SNX24: variants seen among roughly 807,000 people sequenced by gnomAD.
The protein encoded by SNX24 is sorting nexin 24.
Under a neutral mutation model 28.7 loss-of-function variants are expected in SNX24, and 22 were observed. The observed-to-expected ratio is 0.77, with a 90% CI of 0.55 to 1.10. The LOEUF (loss-of-function observed/expected upper bound fraction) is 1.10, where lower values mean the gene tolerates loss of function less well. SNX24 is among the 50% of genes least tolerant of loss of function. SNX24 has a pLI of 0.00. For synonymous variants in SNX24, 69 were observed against 71.5 expected, an observed-to-expected ratio of 0.96 and a Z score of 0.18; for missense variants, 221 against 201.1, an observed-to-expected ratio of 1.10 and a Z score of -0.60.
chr5:122,881,234 A>G (rs201524450), intron 1 of SNX24, among the ~76,000 whole-genome samples: 1 of 151,924 alleles, frequency 6.6e-6, no homozygotes, highest in African/African-American at 2.4e-5. Flanking sequence ...TTTTTAAAAA[A>G]CATTTCACAG....
chr5:122,907,019 A>C (rs992024067), intron 1 of SNX24, among the ~76,000 whole-genome samples: 3 of 152,146 alleles, frequency 2.0e-5, no homozygotes, highest in Non-Finnish European at 2.9e-5. Context: ...TAGACATTGA[A>C]TAACATTGAC....
At chr5:122,958,067 AG>A (rs775565637) in intron 3 of SNX24, among the ~76,000 whole-genome samples, 7 of 152,182 alleles carry the variant, frequency 4.6e-5, no homozygotes, top group Non-Finnish European at 1.0e-4. Flanking sequence ...TATGTTGAAT[AG>A]AAATGGGGAA....
chr5:122,904,510 TA>T (rs1365399351), intron 1 of SNX24, among the ~76,000 whole-genome samples: 1 of 152,162 alleles, frequency 6.6e-6, no homozygotes, highest in Non-Finnish European at 1.5e-5. Context: ...TTCCTTTGTT[TA>T]TATCTGGTCT....
intron 6 of SNX24, among the ~76,000 whole-genome samples, chr5:123,004,486 A>G (rs1243281739): frequency 6.6e-6 from 1 of 152,128 alleles, no homozygotes; most frequent in Non-Finnish European, 1.5e-5. Context: ...AGCTGACCAG[A>G]ATGCTGTCAT....
intron 3 of SNX24, among the ~76,000 whole-genome samples, chr5:122,986,160 A>G (rs963086752): frequency 3.9e-5 from 6 of 152,300 alleles, no homozygotes; most frequent in African/African-American, 1.4e-4. Flanking sequence ...ATAGAGAGGC[A>G]GGGTTTTTTA....
In SNX24 at chr5:122,970,081, C is replaced by A. The variant is rs78583282; in HGVS notation, c.249+23922C>A. On this transcript the variant is annotated intron_variant, in intron 3 of 6. Coordinates refer to ENST00000261369, the MANE Select transcript of SNX24 (RefSeq NM_014035.4). ...CTTCCTTGTTTGTCCTCGCCGCTGC[C>A]GTTGTTGTTTACTGCTTTTTTCCTT... Among the ~76,000 whole-genome samples, 10 of 151,592 alleles carry A rather than the reference C, an allele frequency of 6.6e-5. No individual in the cohort carries two copies. In the East Asian group the frequency reaches 1.7e-3, roughly 26 times the overall value.
At chr5:122,870,943 A>G (rs569487057) in intron 1 of SNX24, among the ~76,000 whole-genome samples, 1 of 152,284 alleles carries the variant, frequency 6.6e-6, no homozygotes, top group South Asian at 2.1e-4. Context: ...CCCTTGCTGC[A>G]CACTAGCATC....
intron 3 of SNX24, among the ~76,000 whole-genome samples, chr5:122,974,871 C>T (rs1761105444): frequency 6.6e-6 from 1 of 152,206 alleles, no homozygotes; most frequent in Admixed American, 6.5e-5. Context: ...CCCTACCAGT[C>T]AGGGAGCCAA....
intron 3 of SNX24, among the ~76,000 whole-genome samples, chr5:122,985,547 A>C (rs1761566296): frequency 1.3e-5 from 2 of 150,992 alleles, no homozygotes; most frequent in African/African-American, 4.8e-5. Flanking sequence ...GACCCATTAT[A>C]TGTGAGGCCA....
intron 3 of SNX24, among the ~76,000 whole-genome samples, chr5:122,990,799 T>C (rs1485405148): frequency 2.0e-5 from 3 of 152,250 alleles, no homozygotes; most frequent in African/African-American, 7.2e-5. Context: ...TCTGTTTTGG[T>C]TCGCTTGTTG....
At chr5:122,958,136 T>C (rs1287353089) in intron 3 of SNX24, among the ~76,000 whole-genome samples, 1 of 152,212 alleles carries the variant, frequency 6.6e-6, no homozygotes, top group East Asian at 1.9e-4. Context: ...TCTTTCACTG[T>C]TAATTATGAT....
At chr5:122,896,209 T>C (rs1464810794) in intron 1 of SNX24, among the ~76,000 whole-genome samples, 1 of 152,204 alleles carries the variant, frequency 6.6e-6, no homozygotes, top group East Asian at 1.9e-4. Flanking sequence ...CTTAGGTTGG[T>C]GAGGTCACAG....
chr5:122,987,216 G>T (rs1020938825), intron 3 of SNX24, among the ~76,000 whole-genome samples: 1 of 152,096 alleles, frequency 6.6e-6, no homozygotes, highest in Non-Finnish European at 1.5e-5. Flanking sequence ...TTGAAAATGG[G>T]TAAAGGCTGA....
At chr5:122,908,845 G>A (rs1193235114) in intron 1 of SNX24, among the ~76,000 whole-genome samples, 3 of 152,138 alleles carry the variant, frequency 2.0e-5, no homozygotes, top group Non-Finnish European at 4.4e-5. Context: ...GAGGTGGAAC[G>A]GAATGTCCTG....
At chr5:122,875,490 A>T (rs1025229449) in intron 1 of SNX24, among the ~76,000 whole-genome samples, 2 of 152,212 alleles carry the variant, frequency 1.3e-5, no homozygotes, top group Admixed American at 6.5e-5. Flanking sequence ...AGTAAGCCAG[A>T]CTTGGGTTCT....
chr5:122,984,133 G>C (rs552534864), intron 3 of SNX24, among the ~76,000 whole-genome samples: 2 of 152,228 alleles, frequency 1.3e-5, no homozygotes, highest in African/African-American at 4.8e-5. Flanking sequence ...TCTGTAGCTT[G>C]CTCCCCTCTT....
At chr5:122,996,874 T>C (rs997006428) in intron 3 of SNX24, among the ~76,000 whole-genome samples, 6 of 152,218 alleles carry the variant, frequency 3.9e-5, no homozygotes, top group African/African-American at 1.2e-4. Context: ...TAGGAGCTTA[T>C]TGTTGAGCAA....
At chr5:122,863,774 C>G (rs543314988) in intron 1 of SNX24, among the ~76,000 whole-genome samples, 11 of 152,256 alleles carry the variant, frequency 7.2e-5, no homozygotes, top group Admixed American at 5.2e-4. Flanking sequence ...AGGCTGGTCT[C>G]AAAGCCCTAG....
intron 5 of SNX24, among the ~76,000 whole-genome samples, chr5:123,021,110 C>CG (rs55745175): frequency 0.042 from 6,431 of 151,862 alleles, 213 homozygotes; most frequent in East Asian, 0.1. Context: ...CAGTTCCCCC[C>CG]CCGTCCCCAT....
Sources: gnomAD v4.1 joint callset for allele counts (sites outside exome capture counted in the v4.1 genomes callset) on GRCh38, gnomAD v4.1.1 for gene constraint, MANE v1.5 for transcripts, NCBI Gene and HGNC (gene_info 2026-07-23, HGNC 2026-07-21) for gene names.